CARD19: variants seen among roughly 807,000 people sequenced by gnomAD.
The protein encoded by CARD19 is caspase recruitment domain family member 19, also known as caspase recruitment domain-containing protein 19.
Under a neutral mutation model 24.1 loss-of-function variants are expected in CARD19, and 25 were observed. The ratio of observed to expected loss-of-function variants is 1.04; its 90% CI spans 0.76 to 1.45. The LOEUF (loss-of-function observed/expected upper bound fraction) is 1.45. Ranked by LOEUF, CARD19 falls within the 40% of genes most tolerant of loss-of-function variation. The probability of loss-of-function intolerance (pLI) is 0.00; values close to 1 mark genes in which losing one functional copy is unlikely to be tolerated. For synonymous variants in CARD19, 103 were observed against 104.9 expected (o/e 0.98, Z 0.11); for missense variants, 241 against 247.4 (o/e 0.97, Z 0.17).
chr9:93,096,221 A>T lies in CARD19; in HGVS notation c.-125A>T. 9.6e-7 allele frequency: 1 copy of T among 1,038,922 alleles called. No individual in the cohort carries two copies. The highest frequency in any genetic ancestry group is 1.2e-6 in the Non-Finnish European group (1 of 817,974). 64.4% of individuals were successfully genotyped at this position (1,038,922 alleles called of 1,614,324 possible). A position where few individuals can be genotyped will look rare whatever the true frequency, so the allele number is the denominator to read the frequency against. On this transcript the variant is annotated 5_prime_UTR_variant, in exon 1 of 6. It adds an upstream start codon to the 5' untranslated region. Coordinates refer to ENST00000375464, the MANE Select transcript of CARD19 (RefSeq NM_032310.5). This position sits in a 1 kb window ranked among gnomAD's most constrained non-coding sequence, Gnocchi z 5.4. ...AAGCCGGGGGGCTGGCCTAGCCAAA[A>T]GGGGCGGGCGAGCACGGCCCGCGGG...
intron 1 of CARD19, among the ~76,000 whole-genome samples, chr9:93,106,014 A>G (rs1827239261): frequency 6.6e-6 from 1 of 152,170 alleles, no homozygotes; most frequent in Admixed American, 6.5e-5. Flanking sequence ...ATATATGTTT[A>G]TAACTGTTAC....
chr9:93,107,832 G>A lies in CARD19; in HGVS notation c.150+16G>A, dbSNP rs907675714. 6 of 1,613,828 alleles carry A rather than the reference G, an allele frequency of 3.7e-6. No individual in the cohort carries two copies. The highest frequency in any genetic ancestry group is 1.1e-5 in the South Asian group (1 of 91,048). Reference sequence around the variant, plus strand: ...GGCGGAAAAGGTGCTGAGGAGGTGAGGGGGGTACCCGAGACACTGCTCAGT... The same window carrying A: ...GGCGGAAAAGGTGCTGAGGAGGTGAAGGGGGTACCCGAGACACTGCTCAGT... On this transcript the variant is annotated intron_variant, in intron 2 of 5. Coordinates refer to ENST00000375464, the MANE Select transcript of CARD19 (RefSeq NM_032310.5).
At position 93,110,659 on chromosome 9, in the gene CARD19, A is replaced by G. The variant is rs758074464; in HGVS notation, c.242A>G (p.Tyr81Cys). Residue 81 changes from tyrosine to cysteine, a missense_variant, in exon 3 of 6, where the codon TAC (tyrosine) becomes TGC (cysteine). Transcript: ENST00000375464. ...RSGERDCQEF[Y>C]RALYIHAQPL... ...GGTGAGCGGGACTGCCAGGAGTTCT[A>G]CCGAGCCCTGTATATCCATGCCCAG... The G allele has an allele frequency of 6.2e-6, 10 of 1,613,582 alleles. No homozygotes were observed. The highest frequency in any genetic ancestry group is 7.6e-6 in the Non-Finnish European group (9 of 1,179,998).
At chr9:93,109,693 T>G (rs1352698986) in intron 2 of CARD19, among the ~76,000 whole-genome samples, 1 of 152,126 alleles carries the variant, frequency 6.6e-6, no homozygotes, top group Non-Finnish European at 1.5e-5. Context: ...GTCAAACTCC[T>G]GACCTGGAAC....
intron 1 of CARD19, among the ~76,000 whole-genome samples, chr9:93,098,826 A>G (rs1826976382): frequency 6.6e-6 from 1 of 151,526 alleles, no homozygotes; most frequent in Non-Finnish European, 1.5e-5. Context: ...GGCAGGAGGA[A>G]GCCACTACAG....
At chr9:93,102,767 G>A (rs1202309988) in intron 1 of CARD19, among the ~76,000 whole-genome samples, 1 of 151,970 alleles carries the variant, frequency 6.6e-6, no homozygotes, top group African/African-American at 2.4e-5. Flanking sequence ...TTTTGATAGG[G>A]ATTGCATCGA....
intron 1 of CARD19, among the ~76,000 whole-genome samples, chr9:93,099,063 C>T (rs1182095556): frequency 6.6e-6 from 1 of 152,152 alleles, no homozygotes; most frequent in Non-Finnish European, 1.5e-5. Context: ...GCTGGGAATA[C>T]AGGCGTGTGC....
rs745792311 is a variant in CARD19 at position 93,111,886 on chromosome 9, A to T, written c.312A>T (p.Ser104=). ...RLPSRHALQN[S]DCTELDSGSQ... is the part of the protein sequence containing the mutation. ...CTGTGGTTTTGTTTCCAGAGAACTC[A>T]GATTGCACAGAGCTAGACTCGGGCA... The change falls in exon 4 of 6, where the codon TCA becomes TCT. Residue 104 remains serine (S), a synonymous_variant. Transcript: ENST00000375464. 2 of 1,611,744 alleles carry T rather than the reference A, an allele frequency of 1.2e-6. No homozygotes were observed. The highest frequency in any genetic ancestry group is 2.2e-5 in the South Asian group (2 of 90,930).
chr9:93,106,610 A>G (rs980343612), intron 1 of CARD19, among the ~76,000 whole-genome samples: 1 of 150,812 alleles, frequency 6.6e-6, no homozygotes, highest in East Asian at 1.9e-4. Context: ...ACCTATTTGC[A>G]TTTGAAGTAA....
chr9:93,111,379 C>A (rs1827477496), intron 3 of CARD19: 1 of 1,092,566 alleles, frequency 9.2e-7, no homozygotes. Context: ...TGCTCAGGGC[C>A]CCTGGAGGAG....
At chr9:93,105,372 C>T (rs1398882554) in intron 1 of CARD19, among the ~76,000 whole-genome samples, 1 of 152,116 alleles carries the variant, frequency 6.6e-6, no homozygotes, top group Non-Finnish European at 1.5e-5. Context: ...CCTCCACCTC[C>T]CAGGTTCAAG....
chr9:93,111,879 A>C lies in CARD19; in HGVS notation c.305A>C (p.Gln102Pro). 1 of 1,611,804 alleles carries C rather than the reference A, an allele frequency of 6.2e-7. No individual in the cohort carries two copies. Among genetic ancestry groups the C allele is most frequent in the South Asian group, 1.1e-5 (1 of 90,928 alleles). Reference sequence around the variant, plus strand: ...CTATGCTCTGTGGTTTTGTTTCCAGAGAACTCAGATTGCACAGAGCTAGAC... The same window carrying C: ...CTATGCTCTGTGGTTTTGTTTCCAGCGAACTCAGATTGCACAGAGCTAGAC... Reference protein sequence around the residue: ...HSRLPSRHALQNSDCTELDSG... With the variant: ...HSRLPSRHALPNSDCTELDSG... The change falls in exon 4 of 6, where the codon CAG becomes CCG. Residue 102 changes from glutamine to proline, a missense_variant and splice_region_variant. Transcript: ENST00000375464.
chr9:93,100,542 A>AT (rs1252514163), intron 1 of CARD19, among the ~76,000 whole-genome samples: 3 of 152,340 alleles, frequency 2.0e-5, no homozygotes, highest in East Asian at 3.9e-4. Context: ...ATCCATTTAC[A>AT]TTTTTTGTGA....
In CARD19 at chr9:93,096,766, T is replaced by C. The variant is rs2119050566; in HGVS notation, c.7+414T>C. Among the ~76,000 whole-genome samples the C allele has an allele frequency of 6.6e-6, 1 of 152,294 alleles. No homozygotes were observed. Among genetic ancestry groups the C allele is most frequent in the Admixed American group, 6.5e-5 (1 of 15,306 alleles). ...CACCGGAGAGAATTCACAGCGGTCC[T>C]GCTGTGATTCTGGCCACGGAAACAA... On this transcript the variant is annotated intron_variant, in intron 1 of 5. Transcript: ENST00000375464. The surrounding 1 kb of genome is among the most constrained non-coding windows in gnomAD (Gnocchi z 5.4).
intron 2 of CARD19, 185 bp from the exon 3 acceptor site, chr9:93,110,383 A>G: frequency 2.2e-6 from 2 of 916,844 alleles, no homozygotes; most frequent in South Asian, 1.8e-5. Context: ...GATGCCTGTG[A>G]CAGAGGCAAT....
rs140740864 is a variant in CARD19 at position 93,113,052 on chromosome 9, G to C, written c.497G>C (p.Arg166Thr). Residue 166 changes from arginine to threonine, a missense_variant, in exon 6 of 6, where the codon AGA (arginine) becomes ACA (threonine). Transcript: ENST00000375464. ...GGTTTCTCGCCTGTCATCATCGACA[G>C]ACATGTCAGCCGCTACCTGCTGGCC... ...VLGFSPVIID[R>T]HVSRYLLAFL... 28 of 1,606,538 alleles carry C rather than the reference G, an allele frequency of 1.7e-5. No individual in the cohort carries two copies. In the African/African-American group the frequency reaches 3.3e-4, roughly 19 times the overall value.
intron 1 of CARD19, among the ~76,000 whole-genome samples, chr9:93,099,246 C>T (rs944823595): frequency 2.0e-5 from 3 of 152,196 alleles, no homozygotes; most frequent in Non-Finnish European, 4.4e-5. Context: ...TAGTGAGCAC[C>T]TACTGGGTGC....
chr9:93,104,734 T>G (rs1430820841), intron 1 of CARD19, among the ~76,000 whole-genome samples: 1 of 152,224 alleles, frequency 6.6e-6, no homozygotes, highest in East Asian at 1.9e-4. Flanking sequence ...TCCAATTTAT[T>G]GGTATACAAA....
At chr9:93,102,287 T>G (rs1484611878) in intron 1 of CARD19, among the ~76,000 whole-genome samples, 1 of 152,178 alleles carries the variant, frequency 6.6e-6, no homozygotes, top group Non-Finnish European at 1.5e-5. Flanking sequence ...AGCATTTTTT[T>G]GTGTGCTTGA....
Sources: gnomAD v4.1 joint callset for allele counts (sites outside exome capture counted in the v4.1 genomes callset) on GRCh38, gnomAD v4.1.1 for gene constraint, Gnocchi (gnomAD v3.1) non-coding constraint, MANE v1.5 for transcripts, NCBI Gene and HGNC (gene_info 2026-07-23, HGNC 2026-07-21) for gene names.